RNF180: variants seen among roughly 807,000 people sequenced by gnomAD.
The protein encoded by RNF180 is ring finger protein 180, also known as E3 ubiquitin-protein ligase RNF180.
A neutral mutation model predicts 59.2 loss-of-function variants in RNF180; 38 were observed. That is an observed-to-expected ratio of 0.64 (90% CI 0.50 to 0.84). The LOEUF (loss-of-function observed/expected upper bound fraction) is 0.84, where lower values mean the gene tolerates loss of function less well. Ranked by LOEUF, RNF180 falls within the 40% of genes least tolerant of loss-of-function variation. The probability of loss-of-function intolerance (pLI) is 0.00; values close to 1 mark genes in which losing one functional copy is unlikely to be tolerated. For synonymous variants in RNF180, 262 were observed against 240.3 expected (o/e 1.09, Z -0.84); for missense variants, 705 against 700.9 (o/e 1.01, Z -0.07).
rs370999261 is a variant in RNF180 at position 64,258,615 on chromosome 5, G to A, written c.1227+41219G>A. On this transcript the variant is annotated intron_variant, in intron 5 of 7. Coordinates refer to ENST00000389100, the MANE Select transcript of RNF180 (RefSeq NM_001113561.2). ...TTGGGAGGGCAGTGAAGCAAGGAAT[G>A]CTAGACATATTGAGATTGACATGCC... 3.3e-5 allele frequency among the ~76,000 whole-genome samples: 5 copies of A among 152,264 alleles called. No homozygotes were observed. In the East Asian group the frequency reaches 9.6e-4, roughly 29 times the overall value.
At chr5:64,343,452 A>G (rs1054438741) in intron 7 of RNF180, among the ~76,000 whole-genome samples, 1 of 152,216 alleles carries the variant, frequency 6.6e-6, no homozygotes, top group Admixed American at 6.5e-5. Context: ...CTGAAGAGCT[A>G]ATTGTCAAGA....
At chr5:64,315,455 C>G (rs1433364635) in intron 5 of RNF180, among the ~76,000 whole-genome samples, 1 of 152,076 alleles carries the variant, frequency 6.6e-6, no homozygotes, top group Non-Finnish European at 1.5e-5. Context: ...AACCAAGATG[C>G]TTTTACTCGG....
chr5:64,290,169 C>A (rs906204642), intron 5 of RNF180, among the ~76,000 whole-genome samples: 3 of 152,142 alleles, frequency 2.0e-5, no homozygotes, highest in African/African-American at 7.2e-5. Flanking sequence ...ACAGATAGTT[C>A]CGTTTCCATG....
rs541166364 is a variant in RNF180, at chr5:64,295,847, A to G, written c.1228-29339A>G. 5.9e-5 allele frequency among the ~76,000 whole-genome samples: 9 copies of G among 152,268 alleles called. 1 individual carries two copies. In the East Asian group the frequency reaches 9.7e-4, roughly 16 times the overall value. On this transcript the variant is annotated intron_variant, in intron 5 of 7. Coordinates refer to ENST00000389100, the MANE Select transcript of RNF180 (RefSeq NM_001113561.2). Reference sequence around the variant, plus strand: ...TTGTCTTACATACTGAGCATCTTCTATGTGTCAGGCACTCTTCTAAGTTAT... The same window carrying G: ...TTGTCTTACATACTGAGCATCTTCTGTGTGTCAGGCACTCTTCTAAGTTAT...
At chr5:64,167,550 C>G (rs943670352) in intron 1 of RNF180, among the ~76,000 whole-genome samples, 2 of 152,062 alleles carry the variant, frequency 1.3e-5, no homozygotes, top group African/African-American at 4.8e-5. Context: ...TTGAGTGTGT[C>G]TGAGGACCGA....
chr5:64,268,402 CA>C (rs1744811839), intron 5 of RNF180, among the ~76,000 whole-genome samples: 1 of 151,944 alleles, frequency 6.6e-6, no homozygotes, highest in Non-Finnish European at 1.5e-5. Context: ...CATTTCATTT[CA>C]AATAAATGAA....
At chr5:64,252,755 C>T (rs986279038) in intron 5 of RNF180, among the ~76,000 whole-genome samples, 35 of 152,176 alleles carry the variant, frequency 2.3e-4, no homozygotes, top group Non-Finnish European at 4.6e-4. Flanking sequence ...AACAGTGGAT[C>T]TAAAGAGGCT....
intron 5 of RNF180, among the ~76,000 whole-genome samples, chr5:64,279,485 C>T (rs1324361935): frequency 6.6e-6 from 1 of 151,940 alleles, no homozygotes; most frequent in East Asian, 1.9e-4. Flanking sequence ...GGGATTTGTA[C>T]ATGTGTGTCT....
intron 7 of RNF180, among the ~76,000 whole-genome samples, chr5:64,361,266 A>G (rs1450718432): frequency 2.7e-5 from 4 of 150,356 alleles, no homozygotes; most frequent in African/African-American, 9.9e-5. Flanking sequence ...CCTTAGTATC[A>G]AAAAACCAGT....
At chr5:64,253,824 A>G (rs182558889) in intron 5 of RNF180, among the ~76,000 whole-genome samples, 1 of 152,174 alleles carries the variant, frequency 6.6e-6, no homozygotes, top group Admixed American at 6.6e-5. Context: ...ATATCGGCAT[A>G]TTAAACTTTT....
At chr5:64,248,791 G>T (rs1407291677) in intron 5 of RNF180, among the ~76,000 whole-genome samples, 1 of 151,980 alleles carries the variant, frequency 6.6e-6, no homozygotes, top group Non-Finnish European at 1.5e-5. Context: ...ATTCTATAAA[G>T]ACACATGCAC....
At chr5:64,323,673 G>A (rs1744485954) in intron 5 of RNF180, among the ~76,000 whole-genome samples, 1 of 152,186 alleles carries the variant, frequency 6.6e-6, no homozygotes, top group Non-Finnish European at 1.5e-5. Context: ...AACCTGTAGA[G>A]AAAGAGCAGA....
intron 1 of RNF180, among the ~76,000 whole-genome samples, chr5:64,198,505 A>T (rs961195886): frequency 4.6e-5 from 7 of 152,216 alleles, no homozygotes; most frequent in African/African-American, 1.7e-4. Context: ...ATGAAGACTT[A>T]AAACAATCTC....
intron 5 of RNF180, among the ~76,000 whole-genome samples, chr5:64,240,196 T>C (rs1345620097): frequency 6.6e-6 from 1 of 152,192 alleles, no homozygotes; most frequent in Non-Finnish European, 1.5e-5. Context: ...TCTCAAAATC[T>C]TAACAAAATG....
At position 64,255,218 on chromosome 5, in the gene RNF180, T is replaced by C. The variant is rs550873168; in HGVS notation, c.1227+37822T>C. Reference sequence around the variant, plus strand: ...TGAACACTTTCTTTTTTTATTATTATTATACTTTAAGTTCTAGGGTACATG... The same window carrying C: ...TGAACACTTTCTTTTTTTATTATTACTATACTTTAAGTTCTAGGGTACATG... On this transcript the variant is annotated intron_variant, in intron 5 of 7. Transcript: ENST00000389100. Among the ~76,000 whole-genome samples, 5 of 152,342 alleles carry C rather than the reference T, an allele frequency of 3.3e-5. No homozygotes were observed. In the South Asian group the frequency reaches 1.0e-3, roughly 32 times the overall value.
intron 7 of RNF180, among the ~76,000 whole-genome samples, chr5:64,353,147 A>G (rs1269507118): frequency 6.6e-6 from 1 of 151,854 alleles, no homozygotes; most frequent in Non-Finnish European, 1.5e-5. Context: ...TTTTTAATAC[A>G]TAGATACATA....
intron 2 of RNF180, among the ~76,000 whole-genome samples, chr5:64,208,934 T>C (rs1164624691): frequency 6.6e-6 from 1 of 152,012 alleles, no homozygotes; most frequent in Non-Finnish European, 1.5e-5. Context: ...AACATACCTC[T>C]CCCTACATAA....
chr5:64,196,471 C>G (rs1308212890), intron 1 of RNF180, among the ~76,000 whole-genome samples: 1 of 152,016 alleles, frequency 6.6e-6, no homozygotes, highest in African/African-American at 2.4e-5. Flanking sequence ...TTGAATTTCA[C>G]TGAGAGTTAT....
At chr5:64,295,980 G>T (rs753967921) in intron 5 of RNF180, among the ~76,000 whole-genome samples, 1 of 152,124 alleles carries the variant, frequency 6.6e-6, no homozygotes, top group Non-Finnish European at 1.5e-5. Context: ...ACTTCTGTCC[G>T]CTTGCTTCCA....
Sources: allele counts gnomAD v4.1 joint callset (sites outside exome capture counted in the v4.1 genomes callset), GRCh38; gene constraint gnomAD v4.1.1; transcripts MANE v1.5; gene names NCBI Gene and HGNC (gene_info 2026-07-23, HGNC 2026-07-21).